Variants in NLRP1 observed in about 807,000 individuals in gnomAD.
The protein encoded by NLRP1 is NLR family pyrin domain containing 1.
In NLRP1, 94 loss-of-function variants were observed where a neutral mutation model predicts 136.7. The observed-to-expected ratio is 0.69, with a 90% CI of 0.58 to 0.82. The LOEUF is 0.82. Among genes scored for constraint, NLRP1 ranks in the 40% least tolerant of loss-of-function variants. NLRP1 has a pLI of 0.00. For synonymous variants in NLRP1, 690 were observed against 725.1 expected (o/e 0.95, Z 0.78); for missense variants, 1,575 against 1,802.7 (o/e 0.87, Z 2.29).
chr17:5,580,100 T>TACAG, intron 3 of NLRP1, among the ~76,000 whole-genome samples: 1 of 152,186 alleles, frequency 6.6e-6, no homozygotes, highest in South Asian at 2.1e-4. Context: ...CAGGGCTTCG[T>TACAG]GGCGGGCACC....
rs1597393735 is a variant in NLRP1 at position 5,517,904 on chromosome 17, T to C, written c.3916-17A>G. The C allele has an allele frequency of 6.2e-7, 1 of 1,613,254 alleles. No individual in the cohort carries two copies. On this transcript the variant is annotated splice_polypyrimidine_tract_variant and intron_variant, in intron 14 of 16. Transcript: ENST00000572272. ...CTCCAGTTCCTGAAGAGGCAAAGAG[T>C]TGAGTTGCCACCCTGTTCATCTTGC...
chr17:5,541,831 T>TC lies in NLRP1; in HGVS notation c.2699+25dup. 6.2e-7 allele frequency: 1 copy of TC among 1,609,624 alleles called. No individual in the cohort carries two copies. The highest frequency in any genetic ancestry group is 8.5e-7 in the Non-Finnish European group (1 of 1,177,582). On this transcript the variant is annotated intron_variant, in intron 6 of 16. Coordinates refer to ENST00000572272, the MANE Select transcript of NLRP1 (RefSeq NM_033004.4). The surrounding 1 kb of genome is among the most constrained non-coding windows in gnomAD (Gnocchi z 4.2). ...ATGGTGGCAGGCAGTTCCCTCCACC[T>TC]CCCCCTGCCCACCAAGAACAATTAC...
At chr17:5,521,847 A>T in intron 12 of NLRP1, 61 bp from the exon 13 acceptor site, 1 of 1,479,064 alleles carries the variant, frequency 6.8e-7, no homozygotes, top group Non-Finnish European at 9.0e-7. Flanking sequence ...TTGTTGAGAC[A>T]GAGTTTCGCT....
chr17:5,512,179 CA>C, downstream of NLRP1: 1 of 1,116,650 alleles, frequency 9.0e-7, no homozygotes, highest in Non-Finnish European at 1.4e-6. Flanking sequence ...ACTTTCAGGG[CA>C]ATCTTTCTTT....
In NLRP1 at chr17:5,514,985, C is replaced by T. The variant is rs200833136; in HGVS notation, c.4191G>A (p.Glu1397=). The T allele has an allele frequency of 6.2e-7, 1 of 1,614,240 alleles. No homozygotes were observed. Among genetic ancestry groups the T allele is most frequent in the East Asian group, 2.2e-5 (1 of 44,880 alleles). Residue 1397 remains glutamate (E), a synonymous_variant, in exon 17 of 17, where the codon GAG becomes GAA. Transcript: ENST00000572272. The part of the protein sequence containing the change: ...EQLIARVTSV[E]VVLDKLHGQV... ...GTCCATGCAGTTTGTCCAAGACAAC[C>T]TCCACCGATGTCACTCGGGCTATCA...
At chr17:5,525,122 T>C (rs1248699602) in intron 12 of NLRP1, among the ~76,000 whole-genome samples, 2 of 152,194 alleles carry the variant, frequency 1.3e-5, no homozygotes, top group African/African-American at 4.8e-5. Context: ...CTTTGGCTGG[T>C]TGCACCAGAA....
chr17:5,522,432 T>C (rs1174171511), intron 12 of NLRP1, among the ~76,000 whole-genome samples: 2 of 152,224 alleles, frequency 1.3e-5, no homozygotes, highest in Admixed American at 6.5e-5. Context: ...GAAGGCTCCA[T>C]GTATGAGGAA....
intron 12 of NLRP1, among the ~76,000 whole-genome samples, chr17:5,526,611 G>C (rs1909582622): frequency 6.6e-6 from 1 of 152,202 alleles, no homozygotes; most frequent in African/African-American, 2.4e-5. Context: ...TGCTGAAGGA[G>C]ATGGGTGGGT....
intron 5 of NLRP1, among the ~76,000 whole-genome samples, chr17:5,545,476 A>AG (rs1446401085): frequency 1.3e-5 from 2 of 150,402 alleles, no homozygotes; most frequent in Admixed American, 1.3e-4. Flanking sequence ...ACACACACAC[A>AG]GACACACACA....
chr17:5,576,083 CA>C (rs1904988504), intron 3 of NLRP1, among the ~76,000 whole-genome samples: 1 of 152,148 alleles, frequency 6.6e-6, no homozygotes, highest in African/African-American at 2.4e-5. Context: ...CCAATGAGAA[CA>C]AAGACACAAC....
At position 5,536,834 on chromosome 17, in the gene NLRP1, T is replaced by G. The variant is rs368712764; in HGVS notation, c.2960+17A>C. On this transcript the variant is annotated intron_variant, in intron 8 of 16. Coordinates refer to ENST00000572272, the MANE Select transcript of NLRP1 (RefSeq NM_033004.4). Reference sequence around the variant, plus strand: ...TGGGCCTGGGTCAGCCAGAGGGAGTTCTGGGTCCCCCCTTACCGTCTGCTG... The same window carrying G: ...TGGGCCTGGGTCAGCCAGAGGGAGTGCTGGGTCCCCCCTTACCGTCTGCTG... 19 of 1,592,064 alleles carry G rather than the reference T, an allele frequency of 1.2e-5. No individual in the cohort carries two copies. The highest frequency in any genetic ancestry group is 2.7e-5 in the African/African-American group (2 of 74,430).
At chr17:5,548,351 G>C (rs915331540) in intron 5 of NLRP1, among the ~76,000 whole-genome samples, 2 of 152,016 alleles carry the variant, frequency 1.3e-5, no homozygotes, top group Non-Finnish European at 2.9e-5. Flanking sequence ...TACAGTAAAG[G>C]AGACATTTCC....
At chr17:5,501,762 C>A in exon 16 of NLRP1, 5 of 1,503,870 alleles carry the variant, frequency 3.3e-6, no homozygotes, top group South Asian at 2.3e-5. Context: ...GCCTCCTTGT[C>A]ATCCACCAAG....
downstream of NLRP1, chr17:5,514,022 G>A (rs1292071594): frequency 5.3e-5 from 8 of 152,220 alleles, no homozygotes; most frequent in East Asian, 1.5e-3. Flanking sequence ...CCCTTTCTCT[G>A]GAAAACTCAT....
rs1813033112 is a variant in NLRP1, at chr17:5,541,493, G to A, written c.2699+364C>T. Among the ~76,000 whole-genome samples the A allele has an allele frequency of 2.0e-5, 3 of 152,168 alleles. No individual in the cohort carries two copies. The highest frequency in any genetic ancestry group is 7.2e-5 in the African/African-American group (3 of 41,436). On this transcript the variant is annotated intron_variant, in intron 6 of 16. Coordinates refer to ENST00000572272, the MANE Select transcript of NLRP1 (RefSeq NM_033004.4). This position sits in a 1 kb window ranked among gnomAD's most constrained non-coding sequence, Gnocchi z 4.2. The stretch of plus-strand genomic sequence containing the variant: ...GTTACTAGGCAGATCACAGCTCGTG[G>A]GAACAGGAGAAGAATAGAAAAACAC...
chr17:5,518,129 G>A (rs1006611498), intron 14 of NLRP1: 1 of 390,254 alleles, frequency 2.6e-6, no homozygotes, highest in Admixed American at 4.2e-5. Context: ...ATAATCCTAA[G>A]CCAGATCCTT....
Position 5,536,952 on chromosome 17 carries a change from A to G in NLRP1, c.2871-12T>C. 6.2e-7 allele frequency: 1 copy of G among 1,600,922 alleles called. No homozygotes were observed. The highest frequency in any genetic ancestry group is 8.6e-7 in the Non-Finnish European group (1 of 1,168,076). ...TTGTCTGGTCCAGCCTGAAAGCACA[A>G]AGGGAGCCGGGTCCTCCTGGGATCC... is the stretch of plus-strand genomic sequence containing the variant. On this transcript the variant is annotated splice_polypyrimidine_tract_variant and intron_variant, in intron 7 of 16. Transcript: ENST00000572272.
At chr17:5,502,086 C>T (rs1317721886) in intron 15 of NLRP1, 4 of 504,710 alleles carry the variant, frequency 7.9e-6, no homozygotes, top group African/African-American at 3.9e-5. Flanking sequence ...TACAGCGTTG[C>T]CAGGGACTTC....
intron 3 of NLRP1, among the ~76,000 whole-genome samples, chr17:5,561,362 T>A (rs1914718495): frequency 6.6e-6 from 1 of 151,778 alleles, no homozygotes; most frequent in African/African-American, 2.4e-5. Flanking sequence ...GCCTACTATC[T>A]TGTCTTTTAC....
Sources: gnomAD v4.1 joint callset for allele counts (sites outside exome capture counted in the v4.1 genomes callset) on GRCh38, gnomAD v4.1.1 for gene constraint, Gnocchi (gnomAD v3.1) non-coding constraint, MANE v1.5 for transcripts, NCBI Gene and HGNC (gene_info 2026-07-23, HGNC 2026-07-21) for gene names.